The following SPATA6 variants were observed in gnomAD, a reference collection of about 807,000 sequenced individuals.
SPATA6 encodes spermatogenesis associated 6.
A neutral mutation model predicts 65.3 loss-of-function variants in SPATA6; 56 were observed. The ratio of observed to expected loss-of-function variants is 0.86; its 90% confidence interval spans 0.69 to 1.07. SPATA6 has a LOEUF of 1.07. Ranked by LOEUF, SPATA6 falls within the 50% of genes least tolerant of loss-of-function variation. The pLI, the probability that SPATA6 is intolerant of heterozygous loss-of-function variation, is 0.00. For synonymous variants in SPATA6, 199 were observed against 213.2 expected, an observed-to-expected ratio of 0.93 and a Z score of 0.58; for missense variants, 590 against 594.8, an observed-to-expected ratio of 0.99 and a Z score of 0.08.
At chr1:48,353,167 G>C (rs1312854029) in intron 11 of SPATA6, among the ~76,000 whole-genome samples, 1 of 151,722 alleles carries the variant, frequency 6.6e-6, no homozygotes, top group Non-Finnish European at 1.5e-5. Flanking sequence ...AATTTCTTGT[G>C]TTTTATACAT....
At chr1:48,338,035 A>G (rs1646107355) in intron 11 of SPATA6, among the ~76,000 whole-genome samples, 1 of 152,010 alleles carries the variant, frequency 6.6e-6, no homozygotes, top group African/African-American at 2.4e-5. Context: ...AACAAACGTG[A>G]AGGAGTTATG....
At chr1:48,357,350 G>A (rs1003392159) in intron 10 of SPATA6, among the ~76,000 whole-genome samples, 12 of 151,970 alleles carry the variant, frequency 7.9e-5, no homozygotes, top group Non-Finnish European at 4.4e-5. Context: ...CTTTACTGGA[G>A]GAATTTCTTA....
intron 5 of SPATA6, among the ~76,000 whole-genome samples, chr1:48,407,431 G>A (rs1457454033): frequency 6.6e-6 from 1 of 152,132 alleles, no homozygotes; most frequent in Non-Finnish European, 1.5e-5. Flanking sequence ...AAAGCTGTGG[G>A]GTTTCTTCAT....
intron 1 of SPATA6, among the ~76,000 whole-genome samples, chr1:48,455,302 T>C (rs1656913622): frequency 1.3e-5 from 2 of 152,202 alleles, no homozygotes; most frequent in South Asian, 2.1e-4. Flanking sequence ...ATAACTGTTA[T>C]ATTAATTGCA....
chr1:48,391,421 T>A (rs1480400928), intron 8 of SPATA6, among the ~76,000 whole-genome samples: 1 of 151,858 alleles, frequency 6.6e-6, no homozygotes. Context: ...ATTAAGGTAA[T>A]AATTTCTGGA....
At chr1:48,268,302 ATATGTG>A in the SPATA6 span, among the ~76,000 whole-genome samples, 1 of 99,100 alleles carries the variant, frequency 1.0e-5, no homozygotes, top group Admixed American at 1.0e-4. Flanking sequence ...AAAAATAAAA[ATATGTG>A]TGTGTGTGTG....
chr1:48,349,628 T>C (rs906187317), intron 11 of SPATA6, among the ~76,000 whole-genome samples: 1 of 151,906 alleles, frequency 6.6e-6, no homozygotes, highest in African/African-American at 2.4e-5. Context: ...AACCTAAAAA[T>C]TTCCCTGTCA....
At chr1:48,279,797 C>G in the SPATA6 span, among the ~76,000 whole-genome samples, 1 of 152,042 alleles carries the variant, frequency 6.6e-6, no homozygotes, top group East Asian at 1.9e-4. Context: ...AACAAGGATA[C>G]CCAGGAATTG....
At chr1:48,395,386 A>G (rs774465506) in intron 7 of SPATA6, 32 bp from the exon 8 acceptor site, 2 of 1,468,266 alleles carry the variant, frequency 1.4e-6, no homozygotes, top group African/African-American at 2.9e-5. Flanking sequence ...TGTAAAAGAG[A>G]GTTTAAACAT....
Position 48,400,798 on chromosome 1 carries a change from T to A in SPATA6, c.487-1154A>T, listed in dbSNP as rs576095761. 287 of 1,297,490 alleles carry A rather than the reference T, an allele frequency of 2.2e-4. 1 individual carries two copies. The Middle Eastern group carries it at 9.8e-3, about 44-fold the overall frequency. 80.4% of individuals were successfully genotyped at this position (1,297,490 alleles called of 1,614,324 possible). A position where few individuals can be genotyped will look rare whatever the true frequency, so the allele number is the denominator to read the frequency against. On this transcript the variant is annotated intron_variant, in intron 6 of 12. Transcript: ENST00000371847. Reference sequence around the variant, plus strand: ...CAGTTGCATCAGATTACTCCATCTTTCCTTCTTCTGTAGTTCATGGTATGC... The same window carrying A: ...CAGTTGCATCAGATTACTCCATCTTACCTTCTTCTGTAGTTCATGGTATGC...
downstream of SPATA6, among the ~76,000 whole-genome samples, chr1:48,291,163 G>A (rs1644764486): frequency 6.6e-6 from 1 of 152,188 alleles, no homozygotes; most frequent in Non-Finnish European, 1.5e-5. Flanking sequence ...GACCCTGTGA[G>A]GGTCCTCGAT....
the SPATA6 span, among the ~76,000 whole-genome samples, chr1:48,283,722 A>AAAGAAAGAAAGAAAG: frequency 6.7e-6 from 1 of 148,948 alleles, no homozygotes; most frequent in Non-Finnish European, 1.5e-5. Context: ...AGAAAGAAAG[A>AAAGAAAGAAAGAAAG]AAATTCTTTT....
chr1:48,305,971 T>G, intron 11 of SPATA6, 93 bp from the exon 12 acceptor site: 1 of 857,876 alleles, frequency 1.2e-6, no homozygotes, highest in Non-Finnish European at 1.8e-6. Flanking sequence ...CCCCTCCCTT[T>G]ATAAATTTTA....
chr1:48,382,123 C>T (rs1648708139), intron 9 of SPATA6, among the ~76,000 whole-genome samples: 1 of 95,336 alleles, frequency 1.0e-5, no homozygotes, highest in Non-Finnish European at 2.1e-5. Context: ...ACAGACCCGG[C>T]AACCATCCGA....
At chr1:48,268,994 G>A in the SPATA6 span, among the ~76,000 whole-genome samples, 87,185 of 151,892 alleles carry the variant, frequency 0.57, 26,144 homozygotes, top group East Asian at 0.79. Flanking sequence ...GTAAAATTAA[G>A]GTTTGAGATC....
In SPATA6 at chr1:48,399,234, T is replaced by C. The variant is rs142456882; in HGVS notation, c.780+117A>G. 856 of 1,217,686 alleles carry C rather than the reference T, an allele frequency of 7.0e-4. 3 individuals carry two copies. The African/African-American group carries it at 9.0e-3, about 13-fold the overall frequency. 75.4% of individuals were successfully genotyped at this position (1,217,686 alleles called of 1,614,324 possible). ...CCATCTTAGACTGCTAGGGTAGCAG[T>C]CAGAAGAGAAAAGTATTATTAATAT... On this transcript the variant is annotated intron_variant, in intron 7 of 12. Coordinates refer to ENST00000371847, the MANE Select transcript of SPATA6 (RefSeq NM_019073.4).
intron 5 of SPATA6, among the ~76,000 whole-genome samples, chr1:48,408,605 G>C (rs1177957295): frequency 6.6e-6 from 1 of 152,120 alleles, no homozygotes; most frequent in African/African-American, 2.4e-5. Flanking sequence ...ACATCTTTAA[G>C]ATAGATATTG....
chr1:48,393,317 A>C (rs959733038), intron 8 of SPATA6: 1 of 152,138 alleles, frequency 6.6e-6, no homozygotes, highest in Non-Finnish European at 1.5e-5. Flanking sequence ...GAAAATAAAT[A>C]ATCTGAATCT....
chr1:48,419,372 G>A (rs1384901216), intron 3 of SPATA6, among the ~76,000 whole-genome samples: 1 of 152,128 alleles, frequency 6.6e-6, no homozygotes, highest in Non-Finnish European at 1.5e-5. Flanking sequence ...ATTTGAATGA[G>A]GAGTAGAATA....
Sources: gnomAD v4.1 joint callset for allele counts (sites outside exome capture counted in the v4.1 genomes callset) on GRCh38, gnomAD v4.1.1 for gene constraint, MANE v1.5 for transcripts, NCBI Gene and HGNC (gene_info 2026-07-23, HGNC 2026-07-21) for gene names.